Variants in CNTNAP2 observed in about 807,000 individuals in gnomAD.
The protein encoded by CNTNAP2 is contactin-associated protein-like 2.
A neutral mutation model predicts 155.2 loss-of-function variants in CNTNAP2; 98 were observed. The observed-to-expected ratio is 0.63, with a 90% CI of 0.54 to 0.75. The LOEUF is 0.75. CNTNAP2 is among the 30% of genes least tolerant of loss of function. The pLI is 0.00. For missense variants in CNTNAP2, 1,727 were observed against 1,688.1 expected (o/e 1.02, Z -0.40); for synonymous variants, 651 against 631.2 (o/e 1.03, Z -0.47).
At chr7:146,274,755 A>G (rs866530771) in intron 1 of CNTNAP2, among the ~76,000 whole-genome samples, 2 of 150,356 alleles carry the variant, frequency 1.3e-5, no homozygotes, top group South Asian at 4.1e-4. Flanking sequence ...GAGTAAATAT[A>G]TAGAAAACTT....
At chr7:146,712,378 A>T (rs1171123686) in intron 1 of CNTNAP2, among the ~76,000 whole-genome samples, 3 of 131,756 alleles carry the variant, frequency 2.3e-5, no homozygotes, top group Non-Finnish European at 4.8e-5. Flanking sequence ...TACATATCTT[A>T]TGTATACTAT....
chr7:146,750,382 C>A (rs1463830483), intron 1 of CNTNAP2, among the ~76,000 whole-genome samples: 4 of 152,152 alleles, frequency 2.6e-5, no homozygotes, highest in Non-Finnish European at 5.9e-5. Flanking sequence ...GTCTTACAAT[C>A]ATTAATTTTT....
rs376460265 is a variant in CNTNAP2 at position 148,369,181 on chromosome 7, C to CTTTTTTTTTTTTTTTTT, written c.3476-14454_3476-14438dup. On this transcript the variant is annotated intron_variant, in intron 21 of 23. Coordinates refer to ENST00000361727, the MANE Select transcript of CNTNAP2 (RefSeq NM_014141.6). ...ATTTTTTTTAATTAAAATTGAATCC[C>CTTTTTTTTTTTTTTTTT]TTTTTTTTTTTTTTTTTTTTTTTTT... is the stretch of plus-strand genomic sequence containing the variant. Among the ~76,000 whole-genome samples the CTTTTTTTTTTTTTTTTT allele has an allele frequency of 3.3e-5, 3 of 92,306 alleles. 1 individual carries two copies. The highest frequency in any genetic ancestry group is 9.3e-5 in the African/African-American group (2 of 21,436). The allele number at this position is 92,306 out of a possible 152,430, so 60.6% of individuals were successfully genotyped here.
chr7:148,041,915 C>T (rs1031622561), intron 15 of CNTNAP2, among the ~76,000 whole-genome samples: 2 of 152,266 alleles, frequency 1.3e-5, no homozygotes, highest in South Asian at 4.2e-4. Context: ...ACTTGAGAAA[C>T]TCTTCTGTAC....
intron 1 of CNTNAP2, among the ~76,000 whole-genome samples, chr7:146,165,943 C>A (rs116826450): frequency 1.3e-5 from 2 of 152,092 alleles, no homozygotes; most frequent in African/African-American, 4.8e-5. Flanking sequence ...TGTGTATTTG[C>A]ATGTTCAATT....
chr7:147,304,730 G>C (rs1205781427), intron 9 of CNTNAP2, among the ~76,000 whole-genome samples: 1 of 152,136 alleles, frequency 6.6e-6, no homozygotes, highest in African/African-American at 2.4e-5. Flanking sequence ...TTTAATAAGA[G>C]GGCACATCTC....
intron 11 of CNTNAP2, among the ~76,000 whole-genome samples, chr7:147,557,543 C>A (rs1799974794): frequency 6.6e-6 from 1 of 152,110 alleles, no homozygotes; most frequent in African/African-American, 2.4e-5. Flanking sequence ...ATGGTTCAGA[C>A]CCTTCTGTTT....
chr7:148,231,965 C>G (rs139823037), intron 20 of CNTNAP2, among the ~76,000 whole-genome samples: 2 of 152,156 alleles, frequency 1.3e-5, no homozygotes, highest in African/African-American at 4.8e-5. Context: ...AGTGCTTCCT[C>G]GATTCCGCCC....
chr7:147,156,341 T>G (rs538501842), intron 8 of CNTNAP2, among the ~76,000 whole-genome samples: 1 of 152,318 alleles, frequency 6.6e-6, no homozygotes, highest in East Asian at 1.9e-4. Flanking sequence ...ATTCAGCACC[T>G]ACCGTATATG....
At chr7:148,230,499 C>G (rs772522994) in intron 20 of CNTNAP2, among the ~76,000 whole-genome samples, 1 of 152,116 alleles carries the variant, frequency 6.6e-6, no homozygotes, top group South Asian at 2.1e-4. Flanking sequence ...AAAATAGATG[C>G]CTGTCAGGAG....
At chr7:147,018,128 A>G (rs1798756154) in intron 3 of CNTNAP2, among the ~76,000 whole-genome samples, 1 of 152,128 alleles carries the variant, frequency 6.6e-6, no homozygotes, top group African/African-American at 2.4e-5. Flanking sequence ...TCAGTATGAT[A>G]AGGCACTTAG....
intron 3 of CNTNAP2, among the ~76,000 whole-genome samples, chr7:146,912,767 C>T (rs1362057232): frequency 1.3e-5 from 2 of 152,122 alleles, no homozygotes; most frequent in Non-Finnish European, 2.9e-5. Flanking sequence ...ATTTATTTGA[C>T]TGCGGGAATG....
At chr7:147,044,801 C>A (rs1198405969) in intron 4 of CNTNAP2, among the ~76,000 whole-genome samples, 4 of 151,812 alleles carry the variant, frequency 2.6e-5, no homozygotes, top group Non-Finnish European at 5.9e-5. Context: ...CCTGTCTGTC[C>A]TTTTTATCCT....
At chr7:147,775,450 A>G (rs1797571149) in intron 13 of CNTNAP2, among the ~76,000 whole-genome samples, 1 of 135,608 alleles carries the variant, frequency 7.4e-6, no homozygotes, top group African/African-American at 2.7e-5. Flanking sequence ...CTGAACCATA[A>G]TTCTCTAAAA....
At chr7:146,523,249 A>G (rs2129137733) in intron 1 of CNTNAP2, among the ~76,000 whole-genome samples, 1 of 152,218 alleles carries the variant, frequency 6.6e-6, no homozygotes, top group East Asian at 1.9e-4. Flanking sequence ...AGATGGCTAA[A>G]CATTTATATA....
intron 3 of CNTNAP2, among the ~76,000 whole-genome samples, chr7:146,882,505 TC>T (rs928715994): frequency 2.0e-5 from 3 of 151,620 alleles, no homozygotes; most frequent in East Asian, 3.9e-4. Context: ...TAAAGGCCTT[TC>T]CCCCCTCTTC....
intron 3 of CNTNAP2, among the ~76,000 whole-genome samples, chr7:147,017,429 T>C (rs1026962861): frequency 1.3e-5 from 2 of 152,116 alleles, no homozygotes; most frequent in African/African-American, 4.8e-5. Context: ...TGATGTTTCC[T>C]ATGTATGCTA....
At chr7:146,162,527 G>A (rs1346165187) in intron 1 of CNTNAP2, among the ~76,000 whole-genome samples, 1 of 152,186 alleles carries the variant, frequency 6.6e-6, no homozygotes, top group Non-Finnish European at 1.5e-5. Flanking sequence ...TAGAGGATGT[G>A]GAGAAATAGG....
At chr7:146,634,202 C>T (rs1019758224) in intron 1 of CNTNAP2, among the ~76,000 whole-genome samples, 7 of 152,128 alleles carry the variant, frequency 4.6e-5, no homozygotes, top group African/African-American at 1.7e-4. Flanking sequence ...TACAGTGTGG[C>T]TATTCTTTTG....
Sources: gnomAD v4.1 joint callset for allele counts (sites outside exome capture counted in the v4.1 genomes callset) on GRCh38, gnomAD v4.1.1 for gene constraint, MANE v1.5 for transcripts, NCBI Gene and HGNC (gene_info 2026-07-23, HGNC 2026-07-21) for gene names.